The following LMO7 variants were observed in gnomAD, a reference collection of about 807,000 sequenced individuals.
LMO7 encodes the protein LIM domain 7.
A neutral mutation model predicts 206.5 loss-of-function variants in LMO7; 120 were observed. That is an observed-to-expected ratio of 0.58 (90% CI 0.50 to 0.68). LMO7 has a LOEUF of 0.68. Ranked by LOEUF, LMO7 falls within the 30% of genes least tolerant of loss-of-function variation. The probability of loss-of-function intolerance (pLI) is 0.00; values close to 1 mark genes in which losing one functional copy is unlikely to be tolerated. For missense variants in LMO7, 1,959 were observed against 1,957.9 expected (o/e 1.00, Z -0.01); for synonymous variants, 706 against 681.5 (o/e 1.04, Z -0.56).
At chr13:75,852,153 T>C (rs1264073385) in intron 27 of LMO7, among the ~76,000 whole-genome samples, 1 of 152,220 alleles carries the variant, frequency 6.6e-6, no homozygotes, top group Non-Finnish European at 1.5e-5. Context: ...TAGTAGAGTA[T>C]TAGCTCTTAT....
At chr13:75,827,118 C>T (rs2058187843) in intron 15 of LMO7, among the ~76,000 whole-genome samples, 1 of 152,146 alleles carries the variant, frequency 6.6e-6, no homozygotes, top group African/African-American at 2.4e-5. Flanking sequence ...GTTACGTGTT[C>T]CTCTTTCACT....
chr13:75,685,430 T>C (rs74831095), intron 1 of LMO7, among the ~76,000 whole-genome samples: 39 of 152,314 alleles, frequency 2.6e-4, no homozygotes, highest in Non-Finnish European at 4.9e-4. Context: ...TCCAAAAGAA[T>C]GCCAAAGAGA....
At chr13:75,721,861 A>G (rs2044048514) in intron 2 of LMO7, among the ~76,000 whole-genome samples, 1 of 152,244 alleles carries the variant, frequency 6.6e-6, no homozygotes. Flanking sequence ...AAATAGGCAC[A>G]TAGACCAATA....
chr13:75,681,724 A>ATG (rs1566304826), intron 1 of LMO7, among the ~76,000 whole-genome samples: 67 of 100,862 alleles, frequency 6.6e-4, no homozygotes, highest in African/African-American at 2.2e-3. Flanking sequence ...ATATGTATAT[A>ATG]TATATATATA....
intron 2 of LMO7, among the ~76,000 whole-genome samples, chr13:75,719,561 G>C (rs748476368): frequency 1.3e-5 from 2 of 152,002 alleles, no homozygotes; most frequent in African/African-American, 4.8e-5. Flanking sequence ...GAGTTCTCAC[G>C]AGACCTGATG....
Position 75,823,644 on chromosome 13 carries a change from C to T in LMO7, c.2720C>T (p.Pro907Leu). The T allele has an allele frequency of 6.2e-7, 1 of 1,614,070 alleles. No homozygotes were observed. The highest frequency in any genetic ancestry group is 8.5e-7 in the Non-Finnish European group (1 of 1,179,954). Residue 907 changes from proline (P) to leucine (L), a missense_variant, in exon 15 of 31, where the codon CCA becomes CTA. Coordinates refer to ENST00000377534, the MANE Select transcript of LMO7 (RefSeq NM_001306080.2). ...TPNNVVSTPA[P>L]SPDASQLASS... is the part of the protein sequence containing the mutation. ...AACAATGTGGTCAGCACCCCTGCAC[C>T]AAGCCCGGACGCAAGCCAACTGGCT...
rs147758177 is a variant in LMO7, at chr13:75,743,027, A to G, written c.210+15929A>G. Among the ~76,000 whole-genome samples the G allele has an allele frequency of 8.2e-3, 1,252 of 152,302 alleles. 12 individuals are homozygous for G. Among genetic ancestry groups the G allele is most frequent in the Non-Finnish European group, 0.011 (731 of 68,014 alleles). ...ACAGCAACTTAAACAAATGTACAAG[A>G]AAAAACAACCCCACAAAAAAGTGGG... is the stretch of plus-strand genomic sequence containing the variant. On this transcript the variant is annotated intron_variant, in intron 3 of 30. Transcript: ENST00000377534.
At chr13:75,713,288 G>A in intron 2 of LMO7, 36 bp downstream of exon 2, 1 of 1,481,564 alleles carries the variant, frequency 6.7e-7, no homozygotes, top group Non-Finnish European at 9.2e-7. Context: ...TAATTCAAAA[G>A]CAAAGATATG....
chr13:75,836,502 C>A, intron 19 of LMO7, 45 bp downstream of exon 19: 1 of 976,218 alleles, frequency 1.0e-6, no homozygotes, highest in Non-Finnish European at 1.5e-6. Flanking sequence ...CAGGAAAAGA[C>A]ATAGCACTCA....
intron 21 of LMO7, 56 bp downstream of exon 21, chr13:75,840,166 G>A: frequency 2.6e-6 from 4 of 1,509,690 alleles, no homozygotes; most frequent in Non-Finnish European, 3.7e-6. Context: ...GACTGAATTA[G>A]TACACCGTAG....
intron 1 of LMO7, among the ~76,000 whole-genome samples, chr13:75,663,408 T>TTTTC (rs61405381): frequency 0.011 from 1,222 of 116,168 alleles, 56 homozygotes; most frequent in South Asian, 0.016. Flanking sequence ...GTGAATTCTT[T>TTTTC]TTTCTTTCTT....
In LMO7 at chr13:75,856,585, A is replaced by G. The variant is rs1215824289; in HGVS notation, c.4850A>G (p.Asn1617Ser). The G allele has an allele frequency of 1.2e-6, 2 of 1,608,700 alleles. No homozygotes were observed. Among genetic ancestry groups the G allele is most frequent in the East Asian group, 2.2e-5 (1 of 44,838 alleles). Residue 1617 changes from asparagine to serine, a missense_variant, in exon 30 of 31, where the codon AAC becomes AGC. Asn to Ser is a conservative substitution (Grantham distance 46). Coordinates refer to ENST00000377534, the MANE Select transcript of LMO7 (RefSeq NM_001306080.2). ...ATCAGAAACCACCAACTGTACTGCA[A>G]CGACTGCTATCTCAGATTCAAATGT... ...VRIRNHQLYC[N>S]DCYLRFKSGR... is the part of the protein sequence containing the mutation.
chr13:75,853,257 C>T lies in LMO7; in HGVS notation c.4530C>T (p.Pro1510=), dbSNP rs1477672371. 3 of 1,613,978 alleles carry T rather than the reference C, an allele frequency of 1.9e-6. No homozygotes were observed. The highest frequency in any genetic ancestry group is 1.7e-6 in the Non-Finnish European group (2 of 1,180,010). ...STSNRAYMRN[P]SSSVPPPSAG... is the part of the protein sequence containing the mutation. ...CAAACCGTGCCTACATGCGGAACCC[C>T]TCCTCCAGCGTGCCCCCACCTTCAG... The change falls in exon 28 of 31, where the codon CCC becomes CCT. Residue 1510 remains proline (P), a synonymous_variant. Coordinates refer to ENST00000377534, the MANE Select transcript of LMO7 (RefSeq NM_001306080.2).
intron 3 of LMO7, among the ~76,000 whole-genome samples, chr13:75,732,826 A>T (rs1158940737): frequency 6.6e-6 from 1 of 151,920 alleles, no homozygotes; most frequent in Non-Finnish European, 1.5e-5. Flanking sequence ...TCTGTTTGTT[A>T]GTTTTCCTTC....
intron 24 of LMO7, 53 bp from the exon 25 acceptor site, chr13:75,842,798 G>A (rs2059657211): frequency 2.7e-6 from 3 of 1,099,258 alleles, no homozygotes; most frequent in Admixed American, 1.8e-5. Flanking sequence ...TTAAACTCAG[G>A]GAAGGGCTTA....
chr13:75,692,492 C>T (rs1394152961), intron 1 of LMO7, among the ~76,000 whole-genome samples: 3 of 151,632 alleles, frequency 2.0e-5, no homozygotes, highest in Non-Finnish European at 4.4e-5. Context: ...CTCAAGGGAT[C>T]CTCCCATCTC....
chr13:75,807,234 C>A, intron 9 of LMO7: 1 of 453,112 alleles, frequency 2.2e-6, no homozygotes, highest in Non-Finnish European at 4.0e-6. Flanking sequence ...CTCCATGGTG[C>A]CCAACTTTCC....
intron 15 of LMO7, among the ~76,000 whole-genome samples, chr13:75,827,434 G>A (rs1227564846): frequency 1.3e-5 from 2 of 152,170 alleles, no homozygotes; most frequent in East Asian, 3.8e-4. Flanking sequence ...ATAATGAAGG[G>A]AAGAACTTAA....
At chr13:75,713,072 G>C (rs2043248292) in intron 1 of LMO7, 110 bp from the exon 2 acceptor site, 1 of 629,128 alleles carries the variant, frequency 1.6e-6, no homozygotes, top group Admixed American at 2.8e-5. Flanking sequence ...GTCTATATAT[G>C]CAAATCCTTC....
Sources: gnomAD v4.1 joint callset for allele counts (sites outside exome capture counted in the v4.1 genomes callset) on GRCh38, gnomAD v4.1.1 for gene constraint, MANE v1.5 for transcripts, NCBI Gene and HGNC (gene_info 2026-07-23, HGNC 2026-07-21) for gene names.